RSU1: variants seen among roughly 807,000 people sequenced by gnomAD.
The protein encoded by RSU1 is Ras suppressor protein 1.
RSU1 carries 26 observed loss-of-function variants against 31.1 expected under a neutral mutation model. The ratio of observed to expected loss-of-function variants is 0.84; its 90% confidence interval spans 0.61 to 1.16. RSU1 has a LOEUF of 1.16. Ranked by LOEUF, RSU1 falls within the 50% of genes most tolerant of loss-of-function variation. The probability of loss-of-function intolerance (pLI) is 0.00; values close to 1 mark genes in which losing one functional copy is unlikely to be tolerated. For missense variants in RSU1, 320 were observed against 339.1 expected (o/e 0.94, Z 0.44); for synonymous variants, 164 against 136.3 (o/e 1.20, Z -1.41).
intron 7 of RSU1, chr10:16,727,101 G>A (rs1270881754): frequency 1.1e-5 from 5 of 456,544 alleles, no homozygotes; most frequent in Non-Finnish European, 2.2e-5. Flanking sequence ...GCTGCCAGTT[G>A]GTGGTTTTTG....
At chr10:16,757,133 G>A (rs924011970) in intron 4 of RSU1, among the ~76,000 whole-genome samples, 2 of 151,590 alleles carry the variant, frequency 1.3e-5, no homozygotes, top group Admixed American at 6.6e-5. Context: ...GTGTGTGGGC[G>A]TGTCTCCAGT....
chr10:16,629,891 T>C (rs567810615), intron 8 of RSU1, among the ~76,000 whole-genome samples: 4 of 152,272 alleles, frequency 2.6e-5, no homozygotes, highest in East Asian at 3.9e-4. Flanking sequence ...TGAATAACGA[T>C]TGAGCTGCAA....
At chr10:16,770,368 G>A (rs1837399553) in intron 3 of RSU1, among the ~76,000 whole-genome samples, 1 of 152,002 alleles carries the variant, frequency 6.6e-6, no homozygotes, top group African/African-American at 2.4e-5. Flanking sequence ...AGCTCCAGAA[G>A]GGCAGCACTA....
rs1293585269 is a variant in RSU1, at chr10:16,592,004, C to CCTCT, written c.*1386_*1389dup. The CCTCT allele has an allele frequency of 2.0e-5, 3 of 152,244 alleles. No homozygotes were observed. Among genetic ancestry groups the CCTCT allele is most frequent in the Non-Finnish European group, 4.4e-5 (3 of 68,052 alleles). 9.4% of individuals were successfully genotyped at this position (152,244 alleles called of 1,614,324 possible). ...CAGAAGTTTAGACCTTGCTCTGTGG[C>CCTCT]CTCTCTGATTGAAATGCGAAGTCTG... On this transcript the variant is annotated 3_prime_UTR_variant, in exon 9 of 9. Coordinates refer to ENST00000345264, the MANE Select transcript of RSU1 (RefSeq NM_012425.4).
At position 16,664,631 on chromosome 10, in the gene RSU1, G is replaced by A. The variant is rs755131507; in HGVS notation, c.731+30392C>T. Among the ~76,000 whole-genome samples, 4 of 152,260 alleles carry A rather than the reference G, an allele frequency of 2.6e-5. No homozygotes were observed. In the South Asian group the frequency reaches 8.3e-4, roughly 32 times the overall value. On this transcript the variant is annotated intron_variant, in intron 8 of 8. Coordinates refer to ENST00000345264, the MANE Select transcript of RSU1 (RefSeq NM_012425.4). ...CCTGCAGTGGTCACTTGACCTATGG[G>A]AACTACACTTTTTACCTACGCAAAG...
intron 7 of RSU1, among the ~76,000 whole-genome samples, chr10:16,729,066 C>T (rs1836452494): frequency 6.6e-6 from 1 of 152,234 alleles, no homozygotes; most frequent in Admixed American, 6.5e-5. Context: ...CAAACATATG[C>T]CGCGTATTTA....
intron 8 of RSU1, among the ~76,000 whole-genome samples, chr10:16,685,413 A>G (rs1389886191): frequency 6.6e-6 from 1 of 152,244 alleles, no homozygotes; most frequent in Non-Finnish European, 1.5e-5. Context: ...GTAAAGGAAT[A>G]AAACAATGGC....
chr10:16,593,748 C>A (rs1276202860), intron 8 of RSU1, among the ~76,000 whole-genome samples: 1 of 152,212 alleles, frequency 6.6e-6, no homozygotes, highest in Non-Finnish European at 1.5e-5. Context: ...GAGAAGTGGT[C>A]AGGCCCTGCT....
chr10:16,810,313 T>TA (rs972120777), intron 2 of RSU1, among the ~76,000 whole-genome samples: 9 of 152,284 alleles, frequency 5.9e-5, no homozygotes, highest in East Asian at 3.9e-4. Flanking sequence ...ATGCCTATCA[T>TA]AAAAAAATAC....
intron 8 of RSU1, among the ~76,000 whole-genome samples, chr10:16,688,451 T>A (rs1436295769): frequency 6.6e-6 from 1 of 151,380 alleles, no homozygotes; most frequent in Admixed American, 6.6e-5. Context: ...CTAAAAAAAA[T>A]ACAAAAAATC....
intron 7 of RSU1, among the ~76,000 whole-genome samples, chr10:16,705,748 C>T (rs61710189): frequency 0.015 from 2,275 of 152,274 alleles, 51 homozygotes; most frequent in African/African-American, 0.049. Context: ...CCTCGGCCTC[C>T]CAAAGTGCTG....
rs570246130 is a variant in RSU1, at chr10:16,735,308, C to A, written c.598+17231G>T. ...CATAACATGAAGTCTGATATGCATC[C>A]TAATACCGCTATGTCTGCTATGGAA... On this transcript the variant is annotated intron_variant, in intron 7 of 8. Coordinates refer to ENST00000345264, the MANE Select transcript of RSU1 (RefSeq NM_012425.4). Among the ~76,000 whole-genome samples, 4 of 152,286 alleles carry A rather than the reference C, an allele frequency of 2.6e-5. No individual in the cohort carries two copies. In the South Asian group the frequency reaches 8.3e-4, roughly 32 times the overall value.
chr10:16,703,386 T>C (rs908791403), intron 7 of RSU1, among the ~76,000 whole-genome samples: 1 of 152,252 alleles, frequency 6.6e-6, no homozygotes, highest in Non-Finnish European at 1.5e-5. Flanking sequence ...TGGCGATTTC[T>C]ATTAAGAGTT....
intron 8 of RSU1, among the ~76,000 whole-genome samples, chr10:16,624,388 C>A (rs1834121097): frequency 6.6e-6 from 1 of 152,140 alleles, no homozygotes; most frequent in Non-Finnish European, 1.5e-5. Flanking sequence ...TCACTCCTCA[C>A]CTTTTGGAAA....
intron 7 of RSU1, among the ~76,000 whole-genome samples, chr10:16,712,587 G>T (rs1836043431): frequency 6.6e-6 from 1 of 152,092 alleles, no homozygotes; most frequent in Non-Finnish European, 1.5e-5. Flanking sequence ...AAATCTGGTT[G>T]CATGAAAATA....
At chr10:16,719,511 T>C (rs1454849462) in intron 7 of RSU1, among the ~76,000 whole-genome samples, 1 of 152,224 alleles carries the variant, frequency 6.6e-6, no homozygotes, top group East Asian at 1.9e-4. Context: ...TGCTGTCACC[T>C]CTTCAGAGAC....
At chr10:16,744,069 G>T (rs1221742921) in intron 7 of RSU1, among the ~76,000 whole-genome samples, 4 of 151,298 alleles carry the variant, frequency 2.6e-5, no homozygotes, top group African/African-American at 7.3e-5. Flanking sequence ...GGTCAAGGTT[G>T]TAGTGAGCCA....
At chr10:16,623,799 G>T (rs947437382) in intron 8 of RSU1, among the ~76,000 whole-genome samples, 1 of 152,088 alleles carries the variant, frequency 6.6e-6, no homozygotes, top group African/African-American at 2.4e-5. Flanking sequence ...TTTCATGTTT[G>T]TTGGCCCCTC....
intron 8 of RSU1, among the ~76,000 whole-genome samples, chr10:16,605,557 C>A (rs1588670538): frequency 1.3e-5 from 2 of 152,328 alleles, no homozygotes; most frequent in Middle Eastern, 6.8e-3. Flanking sequence ...GCCTCATACA[C>A]AACTGTCACC....
Sources: allele counts gnomAD v4.1 joint callset (sites outside exome capture counted in the v4.1 genomes callset), GRCh38; gene constraint gnomAD v4.1.1; transcripts MANE v1.5; gene names NCBI Gene and HGNC (gene_info 2026-07-23, HGNC 2026-07-21).